Variants in VAV3 observed in about 807,000 individuals in gnomAD.
VAV3 encodes guanine nucleotide exchange factor VAV3.
A neutral mutation model predicts 131.2 loss-of-function variants in VAV3; 94 were observed. The ratio of observed to expected loss-of-function variants is 0.72; its 90% CI spans 0.61 to 0.85. VAV3 has a LOEUF of 0.85. Among genes scored for constraint, VAV3 ranks in the 40% least tolerant of loss-of-function variants. The pLI, the probability that VAV3 is intolerant of heterozygous loss-of-function variation, is 0.00. For missense variants in VAV3, 939 were observed against 1,002.7 expected, an observed-to-expected ratio of 0.94 and a Z score of 0.86; for synonymous variants, 349 against 342.0, an observed-to-expected ratio of 1.02 and a Z score of -0.22.
At chr1:107,785,470 T>TTA (rs1459002475) in intron 2 of VAV3, 30 of 1,325,348 alleles carry the variant, frequency 2.3e-5, no homozygotes, top group Non-Finnish European at 3.0e-5. Context: ...GGAGGTGGGC[T>TTA]CTGCAAGGGC....
At chr1:107,666,955 T>A (rs1005063011) in intron 19 of VAV3, among the ~76,000 whole-genome samples, 1 of 152,170 alleles carries the variant, frequency 6.6e-6, no homozygotes, top group Non-Finnish European at 1.5e-5. Flanking sequence ...AGTTTCTGTA[T>A]CATTGATTTT....
intron 25 of VAV3, among the ~76,000 whole-genome samples, chr1:107,595,465 T>C (rs1201388623): frequency 6.6e-6 from 1 of 152,164 alleles, no homozygotes; most frequent in Non-Finnish European, 1.5e-5. Flanking sequence ...TGAAATTGTA[T>C]TCACTTCTTC....
At chr1:107,704,913 A>G (rs370903880) in intron 16 of VAV3, 47 bp downstream of exon 16, 2 of 1,550,438 alleles carry the variant, frequency 1.3e-6, no homozygotes, top group Non-Finnish European at 1.8e-6. Context: ...ACACTTAGCA[A>G]TTATATCAGT....
intron 21 of VAV3, 38 bp from the exon 22 acceptor site, chr1:107,610,003 T>C: frequency 2.5e-6 from 4 of 1,598,186 alleles, no homozygotes; most frequent in Non-Finnish European, 3.4e-6. Flanking sequence ...TAAGTTTACA[T>C]AAGGGAAGCT....
intron 19 of VAV3, among the ~76,000 whole-genome samples, chr1:107,676,957 C>T (rs531497443): frequency 3.3e-5 from 5 of 152,230 alleles, no homozygotes; most frequent in African/African-American, 9.6e-5. Flanking sequence ...TCCTCAAAGG[C>T]AGAGGAACTT....
intron 20 of VAV3, among the ~76,000 whole-genome samples, chr1:107,629,089 C>T (rs1329685700): frequency 6.6e-6 from 1 of 152,150 alleles, no homozygotes; most frequent in African/African-American, 2.4e-5. Context: ...TTCCAATTAG[C>T]TTACAAAACT....
intron 1 of VAV3, among the ~76,000 whole-genome samples, chr1:107,900,228 C>T (rs1671787640): frequency 6.6e-6 from 1 of 152,100 alleles, no homozygotes; most frequent in Non-Finnish European, 1.5e-5. Flanking sequence ...TGAAAATTAA[C>T]AGGATATGAG....
chr1:107,773,393 A>G (rs1665159373), intron 4 of VAV3, among the ~76,000 whole-genome samples: 1 of 152,234 alleles, frequency 6.6e-6, no homozygotes, highest in South Asian at 2.1e-4. Flanking sequence ...CTAATATGTC[A>G]TAAGTGGTCT....
At chr1:107,921,187 T>C (rs1194170904) in intron 1 of VAV3, among the ~76,000 whole-genome samples, 2 of 152,204 alleles carry the variant, frequency 1.3e-5, no homozygotes, top group Admixed American at 6.5e-5. Flanking sequence ...CTCTCATCGC[T>C]TGCTGCAGAT....
chr1:107,728,600 C>T (rs113045134), intron 15 of VAV3, among the ~76,000 whole-genome samples: 51 of 136,946 alleles, frequency 3.7e-4, no homozygotes, highest in Middle Eastern at 3.7e-3. Context: ...TATACGTATA[C>T]GTATATGTAT....
intron 6 of VAV3, among the ~76,000 whole-genome samples, chr1:107,769,591 C>G (rs1263996675): frequency 2.0e-5 from 3 of 152,218 alleles, no homozygotes; most frequent in African/African-American, 7.2e-5. Context: ...ATGATAATGG[C>G]CCAATCTATT....
intron 4 of VAV3, 28 bp from the exon 5 acceptor site, chr1:107,772,871 A>G (rs779505010): frequency 6.3e-7 from 1 of 1,581,072 alleles, no homozygotes. Context: ...ATATAAGGTC[A>G]TTTTCTATTA....
chr1:107,720,633 G>C (rs573747884), intron 15 of VAV3, among the ~76,000 whole-genome samples: 4 of 151,864 alleles, frequency 2.6e-5, no homozygotes. Flanking sequence ...AGCTGAGATC[G>C]CACCATTGCA....
chr1:107,820,009 G>A (rs1667728182), intron 2 of VAV3, among the ~76,000 whole-genome samples: 1 of 152,072 alleles, frequency 6.6e-6, no homozygotes, highest in African/African-American at 2.4e-5. Context: ...ACTGTTGGTG[G>A]GAATGTAAAT....
intron 25 of VAV3, among the ~76,000 whole-genome samples, chr1:107,590,431 C>A (rs1414277470): frequency 6.6e-6 from 1 of 151,982 alleles, no homozygotes; most frequent in Admixed American, 6.6e-5. Flanking sequence ...GCAAACAATG[C>A]ACCAGAAGAA....
rs546168579 is a variant in VAV3 at position 107,826,260 on chromosome 1, G to C, written c.322-46768C>G. ...TTATAATAGGCAAGCTGGAGGAAAA[G>C]AATCATTTGCTCCATTACGCTACTT... On this transcript the variant is annotated intron_variant, in intron 2 of 26. Transcript: ENST00000370056. Among the ~76,000 whole-genome samples the C allele has an allele frequency of 3.3e-5, 5 of 151,218 alleles. No individual in the cohort carries two copies. The South Asian group carries it at 1.1e-3, about 32-fold the overall frequency.
chr1:107,723,596 G>A (rs559946466), intron 15 of VAV3, among the ~76,000 whole-genome samples: 175 of 122,366 alleles, frequency 1.4e-3, no homozygotes, highest in African/African-American at 4.7e-3. Flanking sequence ...TAGATCACAG[G>A]GCACAAAACA....
At chr1:107,739,493 G>A (rs936002448) in intron 15 of VAV3, among the ~76,000 whole-genome samples, 2 of 152,152 alleles carry the variant, frequency 1.3e-5, no homozygotes, top group Non-Finnish European at 1.5e-5. Flanking sequence ...GGAGATTAAT[G>A]TGAATAGGTC....
At chr1:107,855,215 A>G (rs764226654) in intron 2 of VAV3, among the ~76,000 whole-genome samples, 9 of 152,232 alleles carry the variant, frequency 5.9e-5, no homozygotes, top group Non-Finnish European at 1.3e-4. Context: ...TTTGGTGAAC[A>G]GCATTCTACT....
Sources: gnomAD v4.1 joint callset for allele counts (sites outside exome capture counted in the v4.1 genomes callset) on GRCh38, gnomAD v4.1.1 for gene constraint, MANE v1.5 for transcripts, NCBI Gene and HGNC (gene_info 2026-07-23, HGNC 2026-07-21) for gene names.